Variants in AGBL4 observed in about 807,000 individuals in gnomAD.
AGBL4 encodes the protein cytosolic carboxypeptidase 6.
In AGBL4, 58 loss-of-function variants were observed where a neutral mutation model predicts 66.4. The observed-to-expected ratio is 0.87, with a 90% CI of 0.71 to 1.09. AGBL4 has a LOEUF of 1.09. Ranked by LOEUF, AGBL4 falls within the 50% of genes least tolerant of loss-of-function variation. The pLI is 0.00. For synonymous variants in AGBL4, 234 were observed against 222.9 expected (o/e 1.05, Z -0.44); for missense variants, 579 against 631.0 (o/e 0.92, Z 0.88).
At chr1:49,332,836 G>A (rs765429222) in intron 3 of AGBL4, among the ~76,000 whole-genome samples, 23 of 151,958 alleles carry the variant, frequency 1.5e-4, no homozygotes, top group Non-Finnish European at 3.1e-4. Flanking sequence ...TTGAGGAATC[G>A]CCACACTGTC....
At position 48,952,512 on chromosome 1, in the gene AGBL4, G is replaced by A. The variant is rs1571082388; in HGVS notation, c.595-85282C>T. On this transcript the variant is annotated intron_variant, in intron 5 of 13. Transcript: ENST00000371839. ...GGTTAGTGAAGTCCTCCCGGAGGAC[G>A]CTGGGGTAAGATTCAAAAGCAAGAG... Among the ~76,000 whole-genome samples, 3 of 152,326 alleles carry A rather than the reference G, an allele frequency of 2.0e-5. 1 individual carries two copies. Among genetic ancestry groups the A allele is most frequent in the Admixed American group, 2.0e-4 (3 of 15,306 alleles).
intron 2 of AGBL4, 116 bp from the exon 3 acceptor site, chr1:49,697,553 A>G (rs1401686757): frequency 1.1e-6 from 1 of 870,906 alleles, no homozygotes; most frequent in Non-Finnish European, 1.7e-6. Flanking sequence ...CAGTACTTGA[A>G]GGTTCAGTGT....
At chr1:48,564,919 C>T (rs895184238) in intron 11 of AGBL4, among the ~76,000 whole-genome samples, 2 of 152,168 alleles carry the variant, frequency 1.3e-5, no homozygotes, top group Admixed American at 1.3e-4. Context: ...GGGTCTTCTG[C>T]GCTCAGACTC....
At chr1:48,630,383 A>G in intron 9 of AGBL4, among the ~76,000 whole-genome samples, 1 of 152,144 alleles carries the variant, frequency 6.6e-6, no homozygotes, top group Middle Eastern at 3.2e-3. Flanking sequence ...TCTACTGTAC[A>G]CTGAGCACCT....
At chr1:49,938,057 G>A (rs1425834831) in intron 1 of AGBL4, among the ~76,000 whole-genome samples, 2 of 149,798 alleles carry the variant, frequency 1.3e-5, no homozygotes, top group African/African-American at 5.0e-5. Context: ...GAATCCAGGA[G>A]CTGGTTTTTT....
At chr1:49,457,301 G>C (rs1488988202) in intron 3 of AGBL4, among the ~76,000 whole-genome samples, 6 of 151,674 alleles carry the variant, frequency 4.0e-5, no homozygotes, top group Non-Finnish European at 8.8e-5. Context: ...TTGTGGTTTT[G>C]ACCTGCATTT....
intron 4 of AGBL4, among the ~76,000 whole-genome samples, chr1:49,145,836 C>T (rs929893400): frequency 6.6e-6 from 1 of 152,044 alleles, no homozygotes. Context: ...TCACAATAGC[C>T]AAGATTTGGA....
intron 4 of AGBL4, among the ~76,000 whole-genome samples, chr1:49,063,834 T>C (rs969584945): frequency 1.1e-4 from 16 of 152,222 alleles, no homozygotes; most frequent in African/African-American, 1.9e-4. Context: ...GCAAGTGCCA[T>C]TGATGTTTCC....
chr1:49,284,837 T>C (rs1311130495), intron 3 of AGBL4, among the ~76,000 whole-genome samples: 7 of 150,600 alleles, frequency 4.6e-5, no homozygotes, highest in Non-Finnish European at 1.0e-4. Context: ...CCTAAATATA[T>C]ATGCACCCAA....
intron 4 of AGBL4, among the ~76,000 whole-genome samples, chr1:49,059,508 G>T (rs1644364788): frequency 1.3e-5 from 2 of 152,238 alleles, no homozygotes. Context: ...GAAATGTGGG[G>T]TTGGAGCCCC....
chr1:49,484,424 A>G (rs889843691), intron 3 of AGBL4, among the ~76,000 whole-genome samples: 6 of 152,154 alleles, frequency 3.9e-5, no homozygotes, highest in African/African-American at 1.4e-4. Context: ...GCCGTAAAAA[A>G]AGAATGAGAT....
intron 3 of AGBL4, among the ~76,000 whole-genome samples, chr1:49,598,318 GCT>G (rs1311345609): frequency 1.3e-5 from 2 of 152,174 alleles, no homozygotes; most frequent in African/African-American, 2.4e-5. Context: ...CAGTTTTTCT[GCT>G]CTGTTTTTTC....
At chr1:48,675,380 G>GT (rs1243104890) in intron 6 of AGBL4, among the ~76,000 whole-genome samples, 4 of 151,960 alleles carry the variant, frequency 2.6e-5, no homozygotes, top group African/African-American at 9.7e-5. Context: ...ATTTGCTAAT[G>GT]TTTTTTTAAG....
intron 1 of AGBL4, among the ~76,000 whole-genome samples, chr1:50,006,191 T>G (rs1323336179): frequency 6.6e-6 from 1 of 151,948 alleles, no homozygotes; most frequent in Non-Finnish European, 1.5e-5. Flanking sequence ...TACAAAAAAT[T>G]AGCCAGGCGT....
At chr1:49,042,664 A>G (rs1643973801) in intron 5 of AGBL4, among the ~76,000 whole-genome samples, 1 of 152,188 alleles carries the variant, frequency 6.6e-6, no homozygotes, top group African/African-American at 2.4e-5. Flanking sequence ...GAAGAAAGCT[A>G]GAAGAACCTG....
intron 3 of AGBL4, among the ~76,000 whole-genome samples, chr1:49,602,979 C>T (rs1404428590): frequency 2.0e-5 from 3 of 152,050 alleles, no homozygotes; most frequent in African/African-American, 7.2e-5. Context: ...CATACAACAA[C>T]CCTTTAAAAA....
intron 3 of AGBL4, among the ~76,000 whole-genome samples, chr1:49,516,772 A>G (rs1183242721): frequency 6.6e-6 from 1 of 152,086 alleles, no homozygotes; most frequent in East Asian, 1.9e-4. Context: ...TTATTTGTTA[A>G]GTAATCCAAT....
intron 2 of AGBL4, among the ~76,000 whole-genome samples, chr1:49,844,382 C>T (rs1372044214): frequency 6.6e-6 from 1 of 152,210 alleles, no homozygotes; most frequent in Non-Finnish European, 1.5e-5. Flanking sequence ...GCACCCTCCT[C>T]TGTGCTCCCC....
rs577788560 is a variant in AGBL4 at position 48,791,766 on chromosome 1, T to C, written c.634+75425A>G. Among the ~76,000 whole-genome samples, 279 of 152,284 alleles carry C rather than the reference T, an allele frequency of 1.8e-3. 1 individual carries two copies. The highest frequency in any genetic ancestry group is 3.0e-3 in the Non-Finnish European group (201 of 68,016). On this transcript the variant is annotated intron_variant, in intron 6 of 13. Transcript: ENST00000371839. ...TACAATTAAATAAGAGCATAAGGCATCTACCTCAGATCTTTGCACACAGTA... is the reference window on the plus strand; with the variant it reads ...TACAATTAAATAAGAGCATAAGGCACCTACCTCAGATCTTTGCACACAGTA...
Sources: gnomAD v4.1 joint callset for allele counts (sites outside exome capture counted in the v4.1 genomes callset) on GRCh38, gnomAD v4.1.1 for gene constraint, MANE v1.5 for transcripts, NCBI Gene and HGNC (gene_info 2026-07-23, HGNC 2026-07-21) for gene names.